Variants in NBDY observed in about 807,000 individuals in gnomAD.
NBDY encodes the protein negative regulator of P-body association.
rs200401220 is a variant in NBDY, at chrX:56,814,317, CTG to C, written c.*167-3001_*167-3000del. Among the ~76,000 whole-genome samples, 875 of 108,399 alleles carry C rather than the reference CTG, an allele frequency of 8.1e-3. 11 individuals are homozygous for C. Among genetic ancestry groups the C allele is most frequent in the Non-Finnish European group, 0.012 (603 of 52,207 alleles). The allele number at this position is 108,399 out of a possible 115,157, so 94.1% of individuals were successfully genotyped here. ...ATATTTTTTCTCCATTTATTTTACT[CTG>C]TAACTTTTTTTTTTCGTGGCTTATC... On this transcript the variant is annotated intron_variant, in intron 2 of 2. Transcript: ENST00000374922.
Position 56,786,553 on chromosome X carries a change from C to A in NBDY, c.*167-30767C>A, listed in dbSNP as rs909787922. Reference sequence around the variant, plus strand: ...CTCTTGCTCCTTCTCTTCCAACATCCTCTTCTTCTCCTTCTCCTCCTCCTT... The same window carrying A: ...CTCTTGCTCCTTCTCTTCCAACATCATCTTCTTCTCCTTCTCCTCCTCCTT... On this transcript the variant is annotated intron_variant, in intron 2 of 2. Transcript: ENST00000374922. 9.1e-5 allele frequency among the ~76,000 whole-genome samples: 10 copies of A among 110,202 alleles called. No individual in the cohort carries two copies. The Admixed American group carries it at 9.7e-4, about 11-fold the overall frequency.
chrX:56,765,798 C>G (rs745604495), intron 2 of NBDY, among the ~76,000 whole-genome samples: 3 of 110,042 alleles, frequency 2.7e-5, no homozygotes, highest in Non-Finnish European at 5.7e-5. Flanking sequence ...CTCCCCCTCC[C>G]CCTGCACTTC....
intron 2 of NBDY, among the ~76,000 whole-genome samples, chrX:56,733,877 T>G (rs1291376037): frequency 1.8e-5 from 2 of 112,158 alleles, no homozygotes; most frequent in East Asian, 5.6e-4. Context: ...TCCAAGTACT[T>G]CGGTTATTTT....
intron 2 of NBDY, among the ~76,000 whole-genome samples, chrX:56,798,686 T>C (rs1774596994): frequency 8.9e-6 from 1 of 111,936 alleles, no homozygotes; most frequent in Non-Finnish European, 1.9e-5. Context: ...TGATTATCTG[T>C]CATTTGTCTT....
At chrX:56,732,614 C>T (rs932224013) in intron 2 of NBDY, among the ~76,000 whole-genome samples, 4 of 110,988 alleles carry the variant, frequency 3.6e-5, no homozygotes, top group Non-Finnish European at 7.6e-5. Context: ...TATTTCTTTA[C>T]CTTATATTAC....
At chrX:56,786,938 G>A (rs186229306) in intron 2 of NBDY, among the ~76,000 whole-genome samples, 24 of 111,346 alleles carry the variant, frequency 2.2e-4, no homozygotes, top group African/African-American at 7.2e-4. Context: ...ATGAAATGTC[G>A]TGGTGAATGA....
At chrX:56,737,860 C>T (rs1054234496) in intron 2 of NBDY, among the ~76,000 whole-genome samples, 3 of 111,797 alleles carry the variant, frequency 2.7e-5, no homozygotes, top group African/African-American at 9.7e-5. Context: ...CATTTTATCA[C>T]GTTTGCCTTA....
intron 2 of NBDY, among the ~76,000 whole-genome samples, chrX:56,740,909 A>G (rs2069529200): frequency 9.1e-6 from 1 of 110,496 alleles, no homozygotes; most frequent in Admixed American, 9.7e-5. Context: ...GACTATAGTC[A>G]CCCTGCTGTC....
intron 2 of NBDY, among the ~76,000 whole-genome samples, chrX:56,763,355 G>A (rs2069648193): frequency 8.9e-6 from 1 of 111,994 alleles, no homozygotes; most frequent in African/African-American, 3.3e-5. Context: ...AGGACAGCCT[G>A]AGCAGAGTCA....
chrX:56,785,949 A>T (rs1168854598), intron 2 of NBDY, among the ~76,000 whole-genome samples: 1 of 110,856 alleles, frequency 9.0e-6, no homozygotes, highest in Non-Finnish European at 1.9e-5. Flanking sequence ...GGTTGCGGGG[A>T]CACCCTCAGG....
intron 2 of NBDY, among the ~76,000 whole-genome samples, chrX:56,802,198 T>C (rs1251392447): frequency 8.9e-6 from 1 of 112,107 alleles, no homozygotes; most frequent in Non-Finnish European, 1.9e-5. Flanking sequence ...ATGCTGTTGA[T>C]TGGGCACCTA....
intron 1 of NBDY, among the ~76,000 whole-genome samples, chrX:56,730,048 C>A (rs1182708431): frequency 3.7e-5 from 4 of 108,693 alleles, no homozygotes; most frequent in African/African-American, 1.3e-4. Flanking sequence ...TGAAGGCCAG[C>A]CTTCAGAAGT....
intron 2 of NBDY, among the ~76,000 whole-genome samples, chrX:56,759,360 C>T (rs1382501278): frequency 8.9e-6 from 1 of 111,919 alleles, no homozygotes; most frequent in Non-Finnish European, 1.9e-5. Context: ...CTGGAGAGGG[C>T]CAAAGGAAGG....
At chrX:56,807,470 T>C (rs780956992) in intron 2 of NBDY, among the ~76,000 whole-genome samples, 1 of 111,920 alleles carries the variant, frequency 8.9e-6, no homozygotes, top group South Asian at 3.8e-4. Flanking sequence ...TTCCATTTGT[T>C]TGTGTCCTCT....
At chrX:56,766,764 C>G (rs985303327) in intron 2 of NBDY, among the ~76,000 whole-genome samples, 1 of 111,935 alleles carries the variant, frequency 8.9e-6, no homozygotes, top group African/African-American at 3.3e-5. Context: ...CATCCTGGGT[C>G]AAGCTGCTTA....
At chrX:56,767,794 C>T (rs2069675308) in intron 2 of NBDY, among the ~76,000 whole-genome samples, 2 of 99,451 alleles carry the variant, frequency 2.0e-5, no homozygotes, top group Non-Finnish European at 4.1e-5. Flanking sequence ...ATTTGTGGTG[C>T]CATACTGCCA....
At chrX:56,795,181 G>C (rs992700753) in intron 2 of NBDY, among the ~76,000 whole-genome samples, 4 of 112,166 alleles carry the variant, frequency 3.6e-5, no homozygotes, top group Non-Finnish European at 7.5e-5. Context: ...GCTGTGCTGC[G>C]TGTGAAAGGA....
intron 2 of NBDY, among the ~76,000 whole-genome samples, chrX:56,811,919 G>A (rs1177454893): frequency 8.9e-6 from 1 of 112,058 alleles, no homozygotes; most frequent in Non-Finnish European, 1.9e-5. Context: ...CCTGGTCTGC[G>A]GGTTGTGAAG....
chrX:56,763,092 T>C (rs974568162), intron 2 of NBDY, among the ~76,000 whole-genome samples: 6 of 112,797 alleles, frequency 5.3e-5, no homozygotes, highest in African/African-American at 1.9e-4. Flanking sequence ...ATGCCATTGA[T>C]TGATGGGCAA....
Sources: gnomAD v4.1 joint callset for allele counts (sites outside exome capture counted in the v4.1 genomes callset) on GRCh38, gnomAD v4.1.1 for gene constraint, MANE v1.5 for transcripts, NCBI Gene and HGNC (gene_info 2026-07-23, HGNC 2026-07-21) for gene names.